The following NFIC variants were observed in gnomAD, a reference collection of about 807,000 sequenced individuals.
NFIC encodes the protein nuclear factor 1 C-type.
Under a neutral mutation model 54.4 loss-of-function variants are expected in NFIC, and 12 were observed. The observed-to-expected ratio is 0.22, with a 90% CI of 0.14 to 0.36. NFIC has a LOEUF of 0.36. Ranked by LOEUF, NFIC falls within the 10% of genes least tolerant of loss-of-function variation. NFIC has a pLI of 1.00. For missense variants in NFIC, 575 were observed against 718.2 expected (o/e 0.80, Z 2.28); for synonymous variants, 322 against 319.2 (o/e 1.01, Z -0.09).
rs534089139 is a variant in NFIC, at chr19:3,407,788, C to T, written c.563-17318C>T. On this transcript the variant is annotated intron_variant, in intron 2 of 10. Transcript: ENST00000443272. ...CAGTCCAGGGTGCTGGGGACTAGAA[C>T]AAACGTTTGCAGAAAGGGCTGGGGA... 2.6e-5 allele frequency among the ~76,000 whole-genome samples: 4 copies of T among 152,210 alleles called. No homozygotes were observed. In the East Asian group the frequency reaches 7.7e-4, roughly 29 times the overall value.
At chr19:3,447,071 G>A (rs182162821) in intron 6 of NFIC, among the ~76,000 whole-genome samples, 10 of 150,934 alleles carry the variant, frequency 6.6e-5, no homozygotes, top group African/African-American at 2.4e-4. Context: ...GGCCGAGGTG[G>A]GTGGATCACC....
Position 3,464,501 on chromosome 19 carries a change from G to T in NFIC, c.*1732G>T, listed in dbSNP as rs1453604910. ...GTGTTAGGTGTTTTAGGGCCACCGA[G>T]CTCAAACACAAGGACCCCTCCCCGG... On this transcript the variant is annotated 3_prime_UTR_variant, in exon 11 of 11. Coordinates refer to ENST00000443272, the MANE Select transcript of NFIC (RefSeq NM_001245002.2). The T allele has an allele frequency of 1.0e-6, 1 of 965,304 alleles. No individual in the cohort carries two copies. Among genetic ancestry groups the T allele is most frequent in the Non-Finnish European group, 1.2e-6 (1 of 820,904 alleles). The allele number at this position is 965,304 out of a possible 1,614,324, so 59.8% of individuals were successfully genotyped here.
At chr19:3,361,250 G>A (rs975711252) in intron 1 of NFIC, among the ~76,000 whole-genome samples, 3 of 152,176 alleles carry the variant, frequency 2.0e-5, no homozygotes, top group African/African-American at 7.2e-5. Flanking sequence ...GGGGCGGGGC[G>A]GCAGGGGTTC....
intron 3 of NFIC, among the ~76,000 whole-genome samples, chr19:3,432,172 A>AC (rs1355138926): frequency 1.3e-5 from 2 of 151,924 alleles, no homozygotes; most frequent in African/African-American, 4.8e-5. Context: ...AAGGCTCCCG[A>AC]CCTCTCGGGG....
At chr19:3,366,912 A>C (rs2080898794) in intron 1 of NFIC, among the ~76,000 whole-genome samples, 1 of 145,442 alleles carries the variant, frequency 6.9e-6, no homozygotes, top group Non-Finnish European at 1.5e-5. Flanking sequence ...CCCAACCCCG[A>C]CTCTCGGGAC....
intron 2 of NFIC, among the ~76,000 whole-genome samples, chr19:3,386,926 G>A (rs1212222053): frequency 2.6e-5 from 4 of 152,214 alleles, no homozygotes; most frequent in Non-Finnish European, 5.9e-5. Context: ...AGGCCTCAGC[G>A]CTGATCCCAG....
At chr19:3,436,018 G>A (rs1006656217) in intron 6 of NFIC, among the ~76,000 whole-genome samples, 5 of 151,720 alleles carry the variant, frequency 3.3e-5, no homozygotes, top group Non-Finnish European at 2.9e-5. Flanking sequence ...AGTACAGACG[G>A]GGTTTCACCA....
At chr19:3,457,901 G>A (rs921539777) in intron 10 of NFIC, 1 of 152,232 alleles carries the variant, frequency 6.6e-6, no homozygotes, top group African/African-American at 2.4e-5. Context: ...AAACCAGCCG[G>A]AGGAGGAAGC....
intron 6 of NFIC, among the ~76,000 whole-genome samples, chr19:3,438,673 G>C (rs1186037003): frequency 6.6e-6 from 1 of 151,886 alleles, no homozygotes; most frequent in Admixed American, 6.6e-5. Flanking sequence ...TCCTGACCTC[G>C]TGATCCGCCC....
chr19:3,461,257 CAA>C (rs57979040), intron 10 of NFIC, among the ~76,000 whole-genome samples: 8 of 78,202 alleles, frequency 1.0e-4, no homozygotes, highest in Non-Finnish European at 5.6e-5. Flanking sequence ...CCCACCTCTA[CAA>C]AAAAAAAAAA....
At chr19:3,382,264 C>T (rs537555795) in intron 2 of NFIC, 21 bp downstream of exon 2, 32 of 1,590,606 alleles carry the variant, frequency 2.0e-5, no homozygotes, top group South Asian at 1.7e-4. Context: ...GTGGCCTGAG[C>T]GGAGCGGCCA....
At chr19:3,422,488 C>T (rs989575569) in intron 2 of NFIC, among the ~76,000 whole-genome samples, 8 of 151,390 alleles carry the variant, frequency 5.3e-5, no homozygotes, top group Non-Finnish European at 1.2e-4. Flanking sequence ...GAGGCCGAGG[C>T]GGGCGGATCA....
At chr19:3,420,939 TC>T (rs1328666745) in intron 2 of NFIC, among the ~76,000 whole-genome samples, 1 of 152,160 alleles carries the variant, frequency 6.6e-6, no homozygotes, top group Non-Finnish European at 1.5e-5. Context: ...GGCAGAATGG[TC>T]TTGAACTCCT....
chr19:3,441,590 G>C (rs2082294585), intron 6 of NFIC, among the ~76,000 whole-genome samples: 1 of 152,264 alleles, frequency 6.6e-6, no homozygotes, highest in African/African-American at 2.4e-5. Context: ...CTGGGCTGGA[G>C]CAGGGTTCCT....
intron 2 of NFIC, among the ~76,000 whole-genome samples, chr19:3,399,329 C>T (rs530963239): frequency 6.6e-6 from 1 of 152,308 alleles, no homozygotes; most frequent in East Asian, 1.9e-4. Flanking sequence ...GTAATCCCAG[C>T]GCTTTGAGAG....
rs1227735160 is a variant in NFIC at position 3,458,783 on chromosome 19, AG to A, written c.1509+2151del. On this transcript the variant is annotated intron_variant, in intron 10 of 10. Transcript: ENST00000443272. This position sits in a 1 kb window ranked among gnomAD's most constrained non-coding sequence, Gnocchi z 4.1. The stretch of plus-strand genomic sequence containing the variant: ...AGTGGGGAGCCATAGAAGGGTTTAG[AG>A]GGAGGGAGTGGACACCCACCAGGCC... 6.6e-6 allele frequency among the ~76,000 whole-genome samples: 1 copy of A among 151,850 alleles called. No individual in the cohort carries two copies. The highest frequency in any genetic ancestry group is 2.4e-5 in the African/African-American group (1 of 41,316).
chr19:3,395,344 G>GT (rs1232527192), intron 2 of NFIC, among the ~76,000 whole-genome samples: 2 of 151,904 alleles, frequency 1.3e-5, no homozygotes, highest in Non-Finnish European at 2.9e-5. Flanking sequence ...GGGCAACAGA[G>GT]TGAGAATCTA....
chr19:3,462,664 A>C, intron 10 of NFIC, 88 bp from the exon 11 acceptor site: 9 of 1,448,918 alleles, frequency 6.2e-6, no homozygotes, highest in Non-Finnish European at 7.7e-6. Flanking sequence ...GCGTGGGAAG[A>C]GGTAAACCAT....
At chr19:3,411,470 G>C (rs1200886558) in intron 2 of NFIC, among the ~76,000 whole-genome samples, 1 of 151,792 alleles carries the variant, frequency 6.6e-6, no homozygotes, top group Non-Finnish European at 1.5e-5. Context: ...TGGGACTACA[G>C]GCACACACCA....
Sources: gnomAD v4.1 joint callset for allele counts (sites outside exome capture counted in the v4.1 genomes callset) on GRCh38, gnomAD v4.1.1 for gene constraint, Gnocchi (gnomAD v3.1) non-coding constraint, MANE v1.5 for transcripts, NCBI Gene and HGNC (gene_info 2026-07-23, HGNC 2026-07-21) for gene names.